Variants in DTNB observed in about 807,000 individuals in gnomAD.
DTNB encodes DTN-B.
DTNB carries 63 observed loss-of-function variants against 90.7 expected under a neutral mutation model. The observed-to-expected ratio is 0.69, with a 90% CI of 0.57 to 0.86. The LOEUF is 0.86. Among genes scored for constraint, DTNB ranks in the 40% least tolerant of loss-of-function variants. The pLI, the probability that DTNB is intolerant of heterozygous loss-of-function variation, is 0.00. For missense variants in DTNB, 744 were observed against 807.1 expected (o/e 0.92, Z 0.95); for synonymous variants, 277 against 286.7 (o/e 0.97, Z 0.34).
At chr2:25,508,064 T>C (rs538893464) in intron 9 of DTNB, among the ~76,000 whole-genome samples, 1 of 152,168 alleles carries the variant, frequency 6.6e-6, no homozygotes, top group South Asian at 2.1e-4. Context: ...AGACCTCCAA[T>C]ACTGCCCATC....
chr2:25,650,965 A>T (rs1304559685), intron 2 of DTNB, among the ~76,000 whole-genome samples: 11 of 144,280 alleles, frequency 7.6e-5, no homozygotes, highest in Non-Finnish European at 3.2e-5. Flanking sequence ...CCTCTCAAAA[A>T]AAAAAAAAAT....
At chr2:25,466,325 A>G (rs555261825) in intron 10 of DTNB, among the ~76,000 whole-genome samples, 1 of 152,220 alleles carries the variant, frequency 6.6e-6, no homozygotes, top group South Asian at 2.1e-4. Flanking sequence ...ACAGAGCAAG[A>G]CTATGTCTCA....
rs1326010107 is a variant in DTNB, at chr2:25,379,283, T to TAAA, written c.*29+6_*29+7insTTT. On this transcript the variant is annotated splice_region_variant and intron_variant, in intron 20 of 20. Transcript: ENST00000406818. Reference sequence around the variant, plus strand: ...CCGTGGGGAGGCAGAGGACTCTTTGTACTCACCTGAGCTTCCTCTGTGTCC... The same window carrying TAAA: ...CCGTGGGGAGGCAGAGGACTCTTTGTAAAACTCACCTGAGCTTCCTCTGTGTCC... 7.5e-7 allele frequency: 1 copy of TAAA among 1,332,078 alleles called. No individual in the cohort carries two copies. Among genetic ancestry groups the TAAA allele is most frequent in the African/African-American group, 1.5e-5 (1 of 66,444 alleles). 82.5% of individuals were successfully genotyped at this position (1,332,078 alleles called of 1,614,324 possible).
intron 15 of DTNB, among the ~76,000 whole-genome samples, chr2:25,420,343 A>T (rs1344567425): frequency 1.4e-5 from 2 of 142,430 alleles, no homozygotes; most frequent in African/African-American, 5.2e-5. Context: ...CTGTTTGGAG[A>T]CCCTGAAAGG....
intron 16 of DTNB, among the ~76,000 whole-genome samples, chr2:25,400,391 C>A (rs2043412995): frequency 6.6e-6 from 1 of 152,250 alleles, no homozygotes; most frequent in South Asian, 2.1e-4. Context: ...GAGGCAGGCC[C>A]TTCTCCATGG....
chr2:25,640,349 T>C (rs937193826), intron 2 of DTNB, among the ~76,000 whole-genome samples: 9 of 152,114 alleles, frequency 5.9e-5, no homozygotes, highest in Non-Finnish European at 1.3e-4. Flanking sequence ...TCAGTATTTA[T>C]AGGCATCTCT....
rs1194846511 is a variant in DTNB, at chr2:25,419,398, C to T, written c.1575+117G>A. 13 of 1,468,964 alleles carry T rather than the reference C, an allele frequency of 8.8e-6. No homozygotes were observed. In the East Asian group the frequency reaches 9.8e-5, roughly 11 times the overall value. 91.0% of individuals were successfully genotyped at this position (1,468,964 alleles called of 1,614,324 possible). A position where few individuals can be genotyped will look rare whatever the true frequency, so the allele number is the denominator to read the frequency against. On this transcript the variant is annotated intron_variant, in intron 16 of 20. Transcript: ENST00000406818. The stretch of plus-strand genomic sequence containing the variant: ...ATGGGGAGAACCGCTGGGGGTTTTA[C>T]ACATAAAACCCTCTTCAGAGATGAT...
At chr2:25,517,345 A>G (rs542439080) in intron 9 of DTNB, among the ~76,000 whole-genome samples, 1 of 152,352 alleles carries the variant, frequency 6.6e-6, no homozygotes, top group South Asian at 2.1e-4. Flanking sequence ...AAATATTCTT[A>G]AACAGGATGG....
At chr2:25,506,746 C>T (rs572138817) in intron 9 of DTNB, among the ~76,000 whole-genome samples, 3 of 152,286 alleles carry the variant, frequency 2.0e-5, no homozygotes, top group African/African-American at 7.2e-5. Context: ...TTTCTGCACA[C>T]ATAATAAGCT....
intron 1 of DTNB, among the ~76,000 whole-genome samples, chr2:25,661,325 C>G (rs556091053): frequency 6.6e-6 from 1 of 152,148 alleles, no homozygotes; most frequent in Non-Finnish European, 1.5e-5. Context: ...ACGATATGCA[C>G]AGAATTTGTA....
rs2054407343 is a variant in DTNB, at chr2:25,432,880, A to G, written c.1457+6T>C. ...ATGTGGCAAGTGGTAGAGTGTCCCTACTCACCTCAGCAGCCGCAGCTCTGC... is the reference window on the plus strand; with the variant it reads ...ATGTGGCAAGTGGTAGAGTGTCCCTGCTCACCTCAGCAGCCGCAGCTCTGC... On this transcript the variant is annotated splice_donor_region_variant and intron_variant, in intron 14 of 20. Coordinates refer to ENST00000406818, the MANE Select transcript of DTNB (RefSeq NM_021907.5). The G allele has an allele frequency of 6.3e-7, 1 of 1,590,698 alleles. No individual in the cohort carries two copies.
intron 8 of DTNB, among the ~76,000 whole-genome samples, chr2:25,541,689 T>C (rs1486272613): frequency 6.6e-6 from 1 of 152,128 alleles, no homozygotes; most frequent in South Asian, 2.1e-4. Flanking sequence ...CTTCTGTCCC[T>C]TGGTTATCAT....
intron 2 of DTNB, among the ~76,000 whole-genome samples, chr2:25,639,515 T>C (rs185795830): frequency 1.0e-3 from 156 of 151,704 alleles, no homozygotes; most frequent in African/African-American, 3.6e-3. Flanking sequence ...GGCGTGCCTC[T>C]GCACATAAGT....
intron 9 of DTNB, among the ~76,000 whole-genome samples, chr2:25,494,858 A>C (rs982023719): frequency 4.6e-5 from 7 of 151,918 alleles, no homozygotes; most frequent in African/African-American, 1.5e-4. Context: ...GGAACATCAC[A>C]GTTAGCGCTA....
chr2:25,493,292 T>G (rs2150486038), intron 9 of DTNB, among the ~76,000 whole-genome samples: 1 of 152,354 alleles, frequency 6.6e-6, no homozygotes, highest in South Asian at 2.1e-4. Context: ...ATTTAATCTC[T>G]TATTAATATT....
At chr2:25,435,677 G>C (rs2055505598) in intron 12 of DTNB, among the ~76,000 whole-genome samples, 1 of 152,166 alleles carries the variant, frequency 6.6e-6, no homozygotes, top group African/African-American at 2.4e-5. Flanking sequence ...CTTTTCAGCT[G>C]TTTTGAATAG....
intron 8 of DTNB, among the ~76,000 whole-genome samples, chr2:25,532,437 G>A (rs1248838554): frequency 2.0e-5 from 3 of 152,018 alleles, no homozygotes; most frequent in Non-Finnish European, 4.4e-5. Flanking sequence ...CAGATACAGA[G>A]TACATTCACA....
In DTNB at chr2:25,525,685, GAATT is replaced by G. The variant is rs2076959463; in HGVS notation, c.1001+5784_1001+5787del. 7.3e-5 allele frequency among the ~76,000 whole-genome samples: 11 copies of G among 151,712 alleles called. No individual in the cohort carries two copies. The South Asian group carries it at 2.3e-3, about 32-fold the overall frequency. On this transcript the variant is annotated intron_variant, in intron 9 of 20. Transcript: ENST00000406818. ...AAGGCAAATATATAGAATAAAATAAGAATTAATAAGGAAAAATCCAAGTTCTAAT... is the reference window on the plus strand; with the variant it reads ...AAGGCAAATATATAGAATAAAATAAGAATAAGGAAAAATCCAAGTTCTAAT...
intron 15 of DTNB, among the ~76,000 whole-genome samples, chr2:25,427,181 AC>A (rs1459084604): frequency 5.9e-4 from 2 of 3,368 alleles, no homozygotes; most frequent in African/African-American, 4.4e-3. Flanking sequence ...CCATCTCAAA[AC>A]ACACACACAC....
Sources: gnomAD v4.1 joint callset for allele counts (sites outside exome capture counted in the v4.1 genomes callset) on GRCh38, gnomAD v4.1.1 for gene constraint, MANE v1.5 for transcripts, NCBI Gene and HGNC (gene_info 2026-07-23, HGNC 2026-07-21) for gene names.